The following LOC131768270 variants were observed in gnomAD, a reference collection of about 807,000 sequenced individuals.
At chr5:140,567,292 T>C in the LOC131768270 span, 7 of 1,614,156 alleles carry the variant, frequency 4.3e-6, no homozygotes, top group Non-Finnish European at 5.9e-6. Context: ...CACTGTGCCA[T>C]GTGGACGGCC....
At chr5:140,566,046 T>C in the LOC131768270 span, 2 of 397,904 alleles carry the variant, frequency 5.0e-6, no homozygotes, top group Admixed American at 4.4e-5. Flanking sequence ...AAATGGATGG[T>C]AGAGATTTCT....
At chr5:140,568,076 A>G in the LOC131768270 span, 1 of 1,613,910 alleles carries the variant, frequency 6.2e-7, no homozygotes, top group Non-Finnish European at 8.5e-7. Flanking sequence ...GCTGCAGCTC[A>G]CAGCCGCCTT....
the LOC131768270 span, chr5:140,567,883 C>T: frequency 4.8e-5 from 77 of 1,614,074 alleles, no homozygotes; most frequent in Admixed American, 1.2e-4. Flanking sequence ...TGCATGCTGG[C>T]GGCGGCTCTG....
At chr5:140,567,492 G>A in the LOC131768270 span, 104 of 1,614,166 alleles carry the variant, frequency 6.4e-5, no homozygotes, top group South Asian at 9.9e-5. Flanking sequence ...TATCTTCAGC[G>A]TTACATGGAC....
chr5:140,566,346 A>G, the LOC131768270 span, among the ~76,000 whole-genome samples: 2 of 152,058 alleles, frequency 1.3e-5, no homozygotes, highest in African/African-American at 4.8e-5. Flanking sequence ...GTGGAGTTCT[A>G]TGGTTGGAGC....
the LOC131768270 span, chr5:140,567,696 C>CA: frequency 4.3e-6 from 7 of 1,613,972 alleles, no homozygotes; most frequent in Admixed American, 3.3e-5. Flanking sequence ...CCAGCAGCTG[C>CA]TGCCAGCCCC....
the LOC131768270 span, chr5:140,568,114 G>A: frequency 7.4e-6 from 12 of 1,613,712 alleles, no homozygotes; most frequent in African/African-American, 4.0e-5. Context: ...TCATTGGCCT[G>A]GCCATGCGCC....
the LOC131768270 span, chr5:140,566,795 G>C: frequency 5.0e-6 from 3 of 600,062 alleles, no homozygotes; most frequent in Non-Finnish European, 8.9e-6. Flanking sequence ...AGGATGAGCA[G>C]CTCAGCCTTC....
chr5:140,567,362 T>A, the LOC131768270 span: 138 of 1,614,092 alleles, frequency 8.5e-5, no homozygotes, highest in Non-Finnish European at 1.2e-4. Context: ...GCTACTGTTA[T>A]GCGCCTTCTC....
chr5:140,566,998 C>A, the LOC131768270 span: 1 of 999,724 alleles, frequency 1.0e-6, no homozygotes. Flanking sequence ...GACCACCAGC[C>A]CCTTACTCTT....
the LOC131768270 span, chr5:140,567,077 T>C: frequency 6.3e-7 from 1 of 1,581,680 alleles, no homozygotes; most frequent in South Asian, 1.1e-5. Context: ...GTTCCACGGC[T>C]TCTCCTTCCT....
At chr5:140,567,635 T>C in the LOC131768270 span, 3 of 1,614,196 alleles carry the variant, frequency 1.9e-6, no homozygotes, top group South Asian at 1.1e-5. Context: ...GGGAGCCTGC[T>C]ATGCAGCAGG....
chr5:140,564,902 C>G, the LOC131768270 span: 1 of 403,836 alleles, frequency 2.5e-6, no homozygotes. The surrounding 1 kb of genome is among the most constrained non-coding windows in gnomAD (Gnocchi z 5.0). Flanking sequence ...GTGGTCTTCA[C>G]TCTCCTTGAC....
chr5:140,565,871 A>G, the LOC131768270 span: 2 of 398,820 alleles, frequency 5.0e-6, no homozygotes, highest in Non-Finnish European at 4.4e-6. Flanking sequence ...CGCTTGTCCT[A>G]GGATTCTCTG....
chr5:140,567,938 G>T, the LOC131768270 span: 1 of 1,614,184 alleles, frequency 6.2e-7, no homozygotes, highest in Non-Finnish European at 8.5e-7. Flanking sequence ...AGCACTCGTG[G>T]TGCTGAGCCA....
chr5:140,564,924 C>A, the LOC131768270 span: 6 of 325,680 alleles, frequency 1.8e-5, no homozygotes, highest in Admixed American at 3.0e-4. This position sits in a 1 kb window ranked among gnomAD's most constrained non-coding sequence, Gnocchi z 5.0. Context: ...TTTTTAGTTC[C>A]GGGGAGAAGC....
chr5:140,568,101 T>G, the LOC131768270 span: 2 of 1,613,890 alleles, frequency 1.2e-6, no homozygotes, highest in South Asian at 2.2e-5. Flanking sequence ...CTGGCCACAT[T>G]GCTCATTGGC....
At chr5:140,567,071 C>T in the LOC131768270 span, 8 of 1,576,572 alleles carry the variant, frequency 5.1e-6, no homozygotes, top group Middle Eastern at 1.7e-4. Context: ...GGCAATGTTC[C>T]ACGGCTTCTC....
At chr5:140,568,372 C>A in the LOC131768270 span, 1 of 633,920 alleles carries the variant, frequency 1.6e-6, no homozygotes, top group Non-Finnish European at 2.8e-6. Context: ...TTACCATCCC[C>A]CACCCCCAAC....
Sources: gnomAD v4.1 joint callset for allele counts (sites outside exome capture counted in the v4.1 genomes callset) on GRCh38, gnomAD v4.1.1 for gene constraint, Gnocchi (gnomAD v3.1) non-coding constraint, MANE v1.5 for transcripts.